The following CADPS variants were observed in gnomAD, a reference collection of about 807,000 sequenced individuals.
The protein encoded by CADPS is calcium-dependent secretion activator 1.
Under a neutral mutation model 167.3 loss-of-function variants are expected in CADPS, and 57 were observed. The ratio of observed to expected loss-of-function variants is 0.34; its 90% CI spans 0.28 to 0.42. CADPS has a LOEUF of 0.42. Among genes scored for constraint, CADPS ranks in the 20% least tolerant of loss-of-function variants. CADPS has a pLI of 1.00. For synonymous variants in CADPS, 676 were observed against 635.3 expected, an observed-to-expected ratio of 1.06 and a Z score of -0.96; for missense variants, 1,414 against 1,738.1, an observed-to-expected ratio of 0.81 and a Z score of 3.32.
rs2083570074 is a variant in CADPS, at chr3:62,582,240, G to A, written c.1577+2945C>T. On this transcript the variant is annotated intron_variant, in intron 8 of 29. Transcript: ENST00000383710. ...GCAGGCAGATTGCTTGAGTCCAGGA[G>A]TTTGAGACCAGCCTGGCCAACCTGG... Among the ~76,000 whole-genome samples, 5 of 152,344 alleles carry A rather than the reference G, an allele frequency of 3.3e-5. No homozygotes were observed. In the South Asian group the frequency reaches 1.0e-3, roughly 32 times the overall value.
intron 1 of CADPS, among the ~76,000 whole-genome samples, chr3:62,794,778 T>TA (rs71126555): frequency 0.021 from 2,086 of 99,888 alleles, 39 homozygotes; most frequent in African/African-American, 0.05. Flanking sequence ...CGCAAGGTGG[T>TA]AAAAAAAAAA....
chr3:62,470,108 T>C (rs2060410469), intron 24 of CADPS, among the ~76,000 whole-genome samples: 1 of 152,220 alleles, frequency 6.6e-6, no homozygotes, highest in African/African-American at 2.4e-5. Context: ...TTCCCTTCTA[T>C]TGGTACTTCA....
intron 3 of CADPS, among the ~76,000 whole-genome samples, chr3:62,736,613 T>G (rs1277265677): frequency 6.6e-6 from 1 of 152,212 alleles, no homozygotes; most frequent in Non-Finnish European, 1.5e-5. Context: ...AGGAAAGTGT[T>G]GAGTCATTAT....
intron 11 of CADPS, among the ~76,000 whole-genome samples, chr3:62,549,091 A>T (rs1240869781): frequency 6.6e-6 from 1 of 152,216 alleles, no homozygotes; most frequent in African/African-American, 2.4e-5. Context: ...ATTGCTAAAA[A>T]TGACTTGTAC....
At chr3:62,817,735 T>C (rs1056407093) in intron 1 of CADPS, among the ~76,000 whole-genome samples, 2 of 152,140 alleles carry the variant, frequency 1.3e-5, no homozygotes, top group African/African-American at 2.4e-5. Context: ...AATTACCTAG[T>C]AGAAAGAAGC....
intron 1 of CADPS, among the ~76,000 whole-genome samples, chr3:62,822,661 G>A (rs990517468): frequency 1.2e-4 from 19 of 152,076 alleles, no homozygotes; most frequent in Non-Finnish European, 4.4e-5. Flanking sequence ...GGCCTACACG[G>A]TGAAACCCCA....
rs117651746 is a variant in CADPS at position 62,832,535 on chromosome 3, T to C, written c.441+42054A>G. ...GGTAGTTTCATTCCACCAGAGGAAA[T>C]TGTAGAGAATACATTTGACCTGTGG... On this transcript the variant is annotated intron_variant, in intron 1 of 29. Transcript: ENST00000383710. Among the ~76,000 whole-genome samples the C allele has an allele frequency of 8.1e-4, 123 of 152,282 alleles. 1 individual carries two copies. The East Asian group carries it at 0.022, about 28-fold the overall frequency.
At chr3:62,836,223 C>T (rs73844616) in intron 1 of CADPS, among the ~76,000 whole-genome samples, 4,615 of 152,272 alleles carry the variant, frequency 0.03, 93 homozygotes, top group South Asian at 0.065. Flanking sequence ...AATAAGGCAT[C>T]TCTCTTGTTC....
intron 1 of CADPS, among the ~76,000 whole-genome samples, chr3:62,809,216 A>T (rs1048713464): frequency 6.6e-6 from 1 of 151,496 alleles, no homozygotes; most frequent in African/African-American, 2.4e-5. Flanking sequence ...AGTGATCTTT[A>T]AAAAAAAATA....
Position 62,874,784 on chromosome 3 carries a change from G to A in CADPS, c.246C>T (p.Ser82=), listed in dbSNP as rs745400126. The change falls in exon 1 of 30, where the codon AGC becomes AGT. Residue 82 remains serine, a synonymous_variant. Coordinates refer to ENST00000383710, the MANE Select transcript of CADPS (RefSeq NM_003716.4). This position sits in a 1 kb window ranked among gnomAD's most constrained non-coding sequence, Gnocchi z 7.1. Reference sequence around the variant, plus strand: ...TGGAGGGCCGGCCGCCGCCAGCGCGGCTGCTGGGTTGCAGCCCCCCGGCCC... The same window carrying A: ...TGGAGGGCCGGCCGCCGCCAGCGCGACTGCTGGGTTGCAGCCCCCCGGCCC... The part of the protein sequence containing the change: ...GGGAGGLQPS[S]RAGGGRPSSP... 3 of 1,412,722 alleles carry A rather than the reference G, an allele frequency of 2.1e-6. No individual in the cohort carries two copies. The highest frequency in any genetic ancestry group is 2.1e-5 in the Admixed American group (1 of 47,088). The allele number at this position is 1,412,722 out of a possible 1,614,324, so 87.5% of individuals were successfully genotyped here. A position where few individuals can be genotyped will look rare whatever the true frequency, so the allele number is the denominator to read the frequency against.
intron 1 of CADPS, among the ~76,000 whole-genome samples, chr3:62,772,087 T>C (rs2088988963): frequency 6.6e-6 from 1 of 152,124 alleles, no homozygotes; most frequent in Non-Finnish European, 1.5e-5. Context: ...ATAATATATA[T>C]ATTTATAATA....
intron 9 of CADPS, among the ~76,000 whole-genome samples, chr3:62,562,536 T>C (rs932660160): frequency 6.6e-6 from 1 of 152,194 alleles, no homozygotes; most frequent in Admixed American, 6.5e-5. Flanking sequence ...AGTCTCACTG[T>C]GTTGCCCAGG....
chr3:62,404,793 T>TC (rs1355816471), intron 28 of CADPS: 1 of 151,140 alleles, frequency 6.6e-6, no homozygotes, highest in African/African-American at 2.4e-5. Flanking sequence ...TTTTTTTTTT[T>TC]TTTTTTGGAG....
At chr3:62,587,320 G>C (rs2084858072) in intron 7 of CADPS, among the ~76,000 whole-genome samples, 1 of 152,224 alleles carries the variant, frequency 6.6e-6, no homozygotes, top group Non-Finnish European at 1.5e-5. Flanking sequence ...GAGGAAATGA[G>C]TGAGATAGGG....
chr3:62,622,039 T>C (rs1364828172), intron 6 of CADPS, among the ~76,000 whole-genome samples: 1 of 152,148 alleles, frequency 6.6e-6, no homozygotes, highest in Non-Finnish European at 1.5e-5. Context: ...TGCACCTTTC[T>C]GGATAAATCC....
intron 1 of CADPS, among the ~76,000 whole-genome samples, chr3:62,851,437 G>A (rs969057338): frequency 7.5e-5 from 11 of 147,054 alleles, no homozygotes; most frequent in Middle Eastern, 3.4e-3. Context: ...CATGTTTAGC[G>A]CTTCCTTCAG....
chr3:62,539,374 G>C (rs2075309055), intron 11 of CADPS, among the ~76,000 whole-genome samples: 1 of 152,026 alleles, frequency 6.6e-6, no homozygotes, highest in Admixed American at 6.6e-5. Flanking sequence ...GCCACCTCTG[G>C]ATTTTACTTG....
intron 1 of CADPS, among the ~76,000 whole-genome samples, chr3:62,841,045 G>T (rs2076579105): frequency 6.6e-6 from 1 of 152,092 alleles, no homozygotes; most frequent in South Asian, 2.1e-4. Flanking sequence ...GAGCAAATGG[G>T]ACCTCATTTA....
chr3:62,842,869 T>C (rs2076845033), intron 1 of CADPS, among the ~76,000 whole-genome samples: 1 of 152,228 alleles, frequency 6.6e-6, no homozygotes, highest in Non-Finnish European at 1.5e-5. Context: ...TGATTAATGG[T>C]ACTTATGCAA....
Sources: allele counts gnomAD v4.1 joint callset (sites outside exome capture counted in the v4.1 genomes callset), GRCh38; gene constraint gnomAD v4.1.1; non-coding constraint Gnocchi (gnomAD v3.1); transcripts MANE v1.5; gene names NCBI Gene and HGNC (gene_info 2026-07-23, HGNC 2026-07-21).